The following RB1CC1 variants were observed in gnomAD, a reference collection of about 807,000 sequenced individuals.
The protein encoded by RB1CC1 is RB1 inducible coiled-coil 1, also known as RB1-inducible coiled-coil protein 1.
In RB1CC1, 46 loss-of-function variants were observed where a neutral mutation model predicts 177.5. The observed-to-expected ratio is 0.26, with a 90% CI of 0.20 to 0.33. RB1CC1 has a LOEUF of 0.33. Among genes scored for constraint, RB1CC1 ranks in the 10% least tolerant of loss-of-function variants. RB1CC1 has a pLI of 1.00. For missense variants in RB1CC1, 1,703 were observed against 1,816.3 expected, an observed-to-expected ratio of 0.94 and a Z score of 1.13; for synonymous variants, 666 against 613.6, an observed-to-expected ratio of 1.09 and a Z score of -1.26.
intron 22 of RB1CC1, among the ~76,000 whole-genome samples, chr8:52,625,938 T>C (rs781781579): frequency 2.0e-5 from 3 of 152,146 alleles, no homozygotes; most frequent in Non-Finnish European, 2.9e-5. Flanking sequence ...TGGGAAGATA[T>C]ACACGAAAGA....
intron 3 of RB1CC1, among the ~76,000 whole-genome samples, chr8:52,685,196 G>T (rs1333852011): frequency 6.6e-6 from 1 of 151,948 alleles, no homozygotes; most frequent in African/African-American, 2.4e-5. Context: ...TAGGAACGGG[G>T]TTTCACCATG....
chr8:52,701,954 C>T (rs902279372), intron 1 of RB1CC1, among the ~76,000 whole-genome samples: 2 of 152,022 alleles, frequency 1.3e-5, no homozygotes, highest in South Asian at 4.1e-4. Context: ...ATTACAGGCA[C>T]CTGCCACCAC....
At chr8:52,664,849 T>C (rs147557451) in intron 8 of RB1CC1, among the ~76,000 whole-genome samples, 193 of 152,276 alleles carry the variant, frequency 1.3e-3, no homozygotes, top group African/African-American at 4.2e-3. Flanking sequence ...TTGAGGGCAA[T>C]ATCAGCAATA....
At position 52,658,875 on chromosome 8, in the gene RB1CC1, G is replaced by A. The variant is rs774647427; in HGVS notation, c.1791C>T (p.Leu597=). 5.8e-6 allele frequency: 9 copies of A among 1,556,910 alleles called. No individual in the cohort carries two copies. Among genetic ancestry groups the A allele is most frequent in the Non-Finnish European group, 7.9e-6 (9 of 1,146,432 alleles). The change falls in exon 13 of 24, where the codon CTC becomes CTT. Residue 597 remains leucine (L), a splice_region_variant and synonymous_variant. Coordinates refer to ENST00000025008, the MANE Select transcript of RB1CC1 (RefSeq NM_014781.5). The part of the protein sequence containing the change: ...SFCPSEVQPF[L]RVPLLCDFEP... ...CTGAAAATACTAATGACATTTACCT[G>A]AGGAATGGCTGAACTTCCGAAGGAC...
In RB1CC1 at chr8:52,622,651, C is replaced by T. The variant is rs1290177996; in HGVS notation, c.*1131G>A. 2.0e-5 allele frequency: 3 copies of T among 152,006 alleles called. No homozygotes were observed. The highest frequency in any genetic ancestry group is 4.4e-5 in the Non-Finnish European group (3 of 67,548). The allele number at this position is 152,006 out of a possible 1,614,324, so 9.4% of individuals were successfully genotyped here. ...CTAGCAACAAACCTCAAACAATTCT[C>T]ATCCAACTCAACTAACTCATTTAAA... On this transcript the variant is annotated 3_prime_UTR_variant, in exon 24 of 24. Transcript: ENST00000025008.
intron 5 of RB1CC1, among the ~76,000 whole-genome samples, chr8:52,681,823 C>T (rs574242715): frequency 2.3e-4 from 35 of 152,156 alleles, no homozygotes; most frequent in Admixed American, 1.6e-3. Context: ...GGGGAACCAC[C>T]GCCTAGATTT....
chr8:52,711,754 G>A (rs1857080046), intron 1 of RB1CC1, among the ~76,000 whole-genome samples: 1 of 152,182 alleles, frequency 6.6e-6, no homozygotes. Flanking sequence ...ACCTGAATAT[G>A]TAGAGCCCCA....
chr8:52,646,173 T>C (rs1850010234), intron 15 of RB1CC1, among the ~76,000 whole-genome samples: 1 of 152,144 alleles, frequency 6.6e-6, no homozygotes, highest in Admixed American at 6.5e-5. Context: ...GCCATTCTTT[T>C]ATTCTTTGGC....
intron 15 of RB1CC1, among the ~76,000 whole-genome samples, chr8:52,649,334 G>A (rs1310760929): frequency 6.6e-6 from 1 of 152,008 alleles, no homozygotes; most frequent in Non-Finnish European, 1.5e-5. Context: ...ACGGAAACTT[G>A]AAAAAAGGCA....
At chr8:52,663,344 G>C (rs1851791569) in intron 8 of RB1CC1, among the ~76,000 whole-genome samples, 2 of 151,246 alleles carry the variant, frequency 1.3e-5, no homozygotes, top group Non-Finnish European at 2.9e-5. Flanking sequence ...TCATAGGTTT[G>C]GTGAGTGAGG....
chr8:52,676,891 G>A, intron 5 of RB1CC1, among the ~76,000 whole-genome samples: 1 of 152,100 alleles, frequency 6.6e-6, no homozygotes, highest in East Asian at 1.9e-4. Flanking sequence ...ACTGTCCTCT[G>A]GTATTATCTC....
intron 22 of RB1CC1, among the ~76,000 whole-genome samples, chr8:52,627,691 A>G (rs1192912363): frequency 6.6e-6 from 1 of 152,190 alleles, no homozygotes; most frequent in Non-Finnish European, 1.5e-5. Context: ...TTGCCAAAAA[A>G]TAATGCTTTT....
At chr8:52,704,845 CCAAA>C (rs1240727731) in intron 1 of RB1CC1, among the ~76,000 whole-genome samples, 1 of 152,128 alleles carries the variant, frequency 6.6e-6, no homozygotes, top group African/African-American at 2.4e-5. Flanking sequence ...TTACTTTTCA[CCAAA>C]TAGTCACGAT....
At chr8:52,689,995 T>C (rs1854673966) in intron 1 of RB1CC1, among the ~76,000 whole-genome samples, 1 of 152,100 alleles carries the variant, frequency 6.6e-6, no homozygotes, top group African/African-American at 2.4e-5. Flanking sequence ...ATAAATGTGA[T>C]ACTTTCTAAG....
chr8:52,692,953 T>C (rs1434583249), intron 1 of RB1CC1, among the ~76,000 whole-genome samples: 1 of 152,140 alleles, frequency 6.6e-6, no homozygotes, highest in Non-Finnish European at 1.5e-5. Context: ...CTTGTGTCCA[T>C]AAATGAAAAG....
intron 5 of RB1CC1, among the ~76,000 whole-genome samples, chr8:52,678,690 A>T (rs1043324918): frequency 6.6e-6 from 1 of 152,132 alleles, no homozygotes; most frequent in Admixed American, 6.5e-5. Flanking sequence ...CTGTTTTAGA[A>T]GATAATATTG....
chr8:52,675,425 G>C (rs1853006865), intron 6 of RB1CC1, among the ~76,000 whole-genome samples: 1 of 151,898 alleles, frequency 6.6e-6, no homozygotes, highest in African/African-American at 2.4e-5. Flanking sequence ...AATGCTAAAA[G>C]CATATGCACA....
chr8:52,658,062 A>G lies in RB1CC1; in HGVS notation c.1856T>C (p.Val619Ala), dbSNP rs779030504. 7.4e-6 allele frequency: 12 copies of G among 1,614,042 alleles called. No homozygotes were observed. The Admixed American group carries it at 1.5e-4, about 20-fold the overall frequency. Residue 619 changes from valine (V) to alanine (A), a missense_variant, in exon 14 of 24, where the codon GTA (valine) becomes GCA (alanine). By Grantham distance (64) the Val-to-Ala change is moderately conservative. Around this residue, in one of 6 missense-constraint regions of RB1CC1, gnomAD observed 1,169 missense variants for 1,184.7 expected, o/e 0.99. Coordinates refer to ENST00000025008, the MANE Select transcript of RB1CC1 (RefSeq NM_014781.5). ...TTCATCCAAACTTTGTGCTGCTTTT[A>G]CCAAATTATGTAGAGCAAGTACATG... ...HQHVLALHNL[V>A]KAAQSLDEMS...
chr8:52,704,846 CA>C (rs1856414504), intron 1 of RB1CC1, among the ~76,000 whole-genome samples: 1 of 152,062 alleles, frequency 6.6e-6, no homozygotes. Context: ...TACTTTTCAC[CA>C]AATAGTCACG....
Sources: allele counts gnomAD v4.1 joint callset (sites outside exome capture counted in the v4.1 genomes callset), GRCh38; gene constraint gnomAD v4.1.1; regional missense constraint gnomAD v4.1.1; transcripts MANE v1.5; gene names NCBI Gene and HGNC (gene_info 2026-07-23, HGNC 2026-07-21).